Variants in ADAMTS9 observed in about 807,000 individuals in gnomAD.
ADAMTS9 encodes the protein ADAM metallopeptidase with thrombospondin type 1 motif 9, also known as A disintegrin and metalloproteinase with thrombospondin motifs 9.
In ADAMTS9, 107 loss-of-function variants were observed where a neutral mutation model predicts 257.1. The ratio of observed to expected loss-of-function variants is 0.42; its 90% confidence interval spans 0.36 to 0.49. ADAMTS9 has a LOEUF of 0.49. Ranked by LOEUF, ADAMTS9 falls within the 20% of genes least tolerant of loss-of-function variation. The probability of loss-of-function intolerance (pLI) is 0.03; values close to 1 mark genes in which losing one functional copy is unlikely to be tolerated. For synonymous variants in ADAMTS9, 982 were observed against 880.9 expected (o/e 1.11, Z -2.03); for missense variants, 2,353 against 2,469.1 (o/e 0.95, Z 1.00).
At chr3:64,668,798 G>A (rs1022929659) in intron 3 of ADAMTS9, among the ~76,000 whole-genome samples, 9 of 152,288 alleles carry the variant, frequency 5.9e-5, no homozygotes, top group South Asian at 2.1e-4. Context: ...TGGCCCTGAA[G>A]CTGAATGTGG....
At position 64,602,055 on chromosome 3, in the gene ADAMTS9, A is replaced by C. The variant is rs764399863; in HGVS notation, c.3906T>G (p.Ser1302Arg). Residue 1302 changes from serine to arginine, a missense_variant, in exon 26 of 40, where the codon AGT (serine) becomes AGG (arginine). Physicochemically the swap from Ser to Arg is moderately radical, Grantham distance 110. Transcript: ENST00000498707. ...TTTGGAAGGGGTGCTGAGCTAAGCC[A>C]CTGTCTGGGGTCCTTTGAGGGCATG... ...MSPCPQRTPD[S>R]GLAQHPFQNE... The C allele has an allele frequency of 1.2e-6, 2 of 1,614,018 alleles. No individual in the cohort carries two copies. The highest frequency in any genetic ancestry group is 2.7e-5 in the African/African-American group (2 of 75,018).
At chr3:64,645,572 A>G (rs963789298) in intron 11 of ADAMTS9, among the ~76,000 whole-genome samples, 1 of 152,210 alleles carries the variant, frequency 6.6e-6, no homozygotes, top group Non-Finnish European at 1.5e-5. Flanking sequence ...AAACAAAGCA[A>G]AACACTCAGA....
chr3:64,534,777 G>T (rs1575987959), intron 37 of ADAMTS9, among the ~76,000 whole-genome samples: 1 of 502 alleles, frequency 2.0e-3, no homozygotes, highest in Non-Finnish European at 0.014. Context: ...TCACAACTGT[G>T]GGGGGGCAGG....
At chr3:64,638,186 G>A (rs111971520) in intron 12 of ADAMTS9, among the ~76,000 whole-genome samples, 36 of 152,160 alleles carry the variant, frequency 2.4e-4, no homozygotes, top group African/African-American at 8.4e-4. Context: ...TAGAAGCACT[G>A]GAAAAAGAAA....
At position 64,604,010 on chromosome 3, in the gene ADAMTS9, C is replaced by T. The variant is rs1244175379; in HGVS notation, c.3659G>A (p.Ser1220Asn). The change falls in exon 25 of 40, where the codon AGT becomes AAT. Residue 1220 changes from serine (S) to asparagine (N), a missense_variant. By Grantham distance (46) the Ser-to-Asn change is conservative. Around this residue, in one of 3 missense-constraint regions of ADAMTS9, gnomAD observed 1,402 missense variants for 1,441.4 expected, o/e 0.97. Transcript: ENST00000498707. ...TGGTCTAGGCAGGGTAGCACAGGCA[C>T]TCTCGTCAGCCACAGAGCCATTCTC... ...RDENGSVADE[S>N]ACATLPRPVA... 1 of 1,614,094 alleles carries T rather than the reference C, an allele frequency of 6.2e-7. No homozygotes were observed. The highest frequency in any genetic ancestry group is 1.1e-5 in the South Asian group (1 of 91,086).
chr3:64,551,101 T>C (rs1188582922), intron 30 of ADAMTS9, 39 bp from the exon 31 acceptor site: 2 of 1,597,738 alleles, frequency 1.3e-6, no homozygotes, highest in South Asian at 2.2e-5. Context: ...AAACCGTAGT[T>C]CCTTATATCC....
intron 20 of ADAMTS9, 104 bp from the exon 21 acceptor site, chr3:64,615,589 C>T: frequency 8.4e-7 from 1 of 1,192,684 alleles, no homozygotes; most frequent in Non-Finnish European, 1.2e-6. Context: ...AAACAACACA[C>T]AAGCTGGCCA....
chr3:64,674,063 T>C (rs1701561592), intron 3 of ADAMTS9, among the ~76,000 whole-genome samples: 1 of 151,594 alleles, frequency 6.6e-6, no homozygotes, highest in Non-Finnish European at 1.5e-5. Context: ...TTAATGACTT[T>C]ATTGGAGTAC....
At chr3:64,561,506 G>C (rs2083422110) in intron 30 of ADAMTS9, 72 bp downstream of exon 30, 2 of 1,514,906 alleles carry the variant, frequency 1.3e-6, no homozygotes, top group Non-Finnish European at 1.8e-6. Context: ...GCTTTATAGG[G>C]AACAGATGTG....
chr3:64,649,976 G>A (rs773651904), intron 9 of ADAMTS9, 198 bp from the exon 10 acceptor site: 16 of 592,596 alleles, frequency 2.7e-5, no homozygotes, highest in Non-Finnish European at 4.0e-5. Flanking sequence ...AGAACCACAT[G>A]CAATGAATAC....
At chr3:64,654,002 AG>A (rs771307328) in intron 8 of ADAMTS9, among the ~76,000 whole-genome samples, 6 of 152,232 alleles carry the variant, frequency 3.9e-5, no homozygotes, top group African/African-American at 9.6e-5. Context: ...GTGTTAAATC[AG>A]GAAAGTTCTC....
At position 64,598,343 on chromosome 3, in the gene ADAMTS9, G is replaced by T. The variant is rs1410664911; in HGVS notation, c.4018-1352C>A. Among the ~76,000 whole-genome samples the T allele has an allele frequency of 2.7e-5, 4 of 148,416 alleles. No homozygotes were observed. In the East Asian group the frequency reaches 7.8e-4, roughly 29 times the overall value. On this transcript the variant is annotated intron_variant, in intron 26 of 39. Transcript: ENST00000498707. Reference sequence around the variant, plus strand: ...TATTTTTTTTTTTTTTTTGAGGTGGGGTTTTGCTCTGTCACCCAGGCTAGA... The same window carrying T: ...TATTTTTTTTTTTTTTTTGAGGTGGTGTTTTGCTCTGTCACCCAGGCTAGA...
At chr3:64,607,311 G>C (rs1016197946) in intron 22 of ADAMTS9, among the ~76,000 whole-genome samples, 1 of 152,056 alleles carries the variant, frequency 6.6e-6, no homozygotes, top group African/African-American at 2.4e-5. Flanking sequence ...TATTTATAGG[G>C]GTTCAACTCA....
chr3:64,568,795 G>T, intron 28 of ADAMTS9: 1 of 363,100 alleles, frequency 2.8e-6, no homozygotes, highest in Non-Finnish European at 4.9e-6. Flanking sequence ...CCTGAGAATT[G>T]GAGCCAAAAA....
chr3:64,569,733 C>T (rs530675931), intron 28 of ADAMTS9, among the ~76,000 whole-genome samples: 6 of 152,224 alleles, frequency 3.9e-5, no homozygotes, highest in East Asian at 3.9e-4. Flanking sequence ...ATGTGAAGTA[C>T]GTATATTAAT....
At chr3:64,617,272 G>C (rs182271238) in intron 19 of ADAMTS9, among the ~76,000 whole-genome samples, 3 of 152,036 alleles carry the variant, frequency 2.0e-5, no homozygotes, top group African/African-American at 7.2e-5. Context: ...CTTTGCCTTC[G>C]TCACCATTTC....
chr3:64,667,018 TG>T (rs1701367169), intron 3 of ADAMTS9, among the ~76,000 whole-genome samples: 1 of 152,144 alleles, frequency 6.6e-6, no homozygotes, highest in African/African-American at 2.4e-5. Context: ...TGTGAGCTGT[TG>T]TTTTTTTGTT....
chr3:64,641,190 T>C (rs1700627763), intron 12 of ADAMTS9, among the ~76,000 whole-genome samples: 1 of 152,052 alleles, frequency 6.6e-6, no homozygotes, highest in South Asian at 2.1e-4. Context: ...GATGAAAATG[T>C]CCAATTTTTT....
At chr3:64,678,154 G>A (rs1014547803) in intron 3 of ADAMTS9, among the ~76,000 whole-genome samples, 6 of 152,134 alleles carry the variant, frequency 3.9e-5, no homozygotes, top group Admixed American at 6.5e-5. Flanking sequence ...GGGAAGGTTC[G>A]GATGGGTTGG....
Sources: gnomAD v4.1 joint callset for allele counts (sites outside exome capture counted in the v4.1 genomes callset) on GRCh38, gnomAD v4.1.1 for gene constraint, gnomAD v4.1.1 regional missense constraint, MANE v1.5 for transcripts, NCBI Gene and HGNC (gene_info 2026-07-23, HGNC 2026-07-21) for gene names.